Variants in ZNF689 observed in about 807,000 individuals in gnomAD.
The protein encoded by ZNF689 is zinc finger protein 689, also known as short ORF-encoded histone-binding protein.
A neutral mutation model predicts 37.2 loss-of-function variants in ZNF689; 14 were observed. The observed-to-expected ratio is 0.38, with a 90% CI of 0.25 to 0.59. ZNF689 has a LOEUF of 0.59. Ranked by LOEUF, ZNF689 falls within the 20% of genes least tolerant of loss-of-function variation. The pLI is 0.68. For synonymous variants in ZNF689, 277 were observed against 283.3 expected (o/e 0.98, Z 0.22); for missense variants, 573 against 700.2 (o/e 0.82, Z 2.05).
Position 30,609,554 on chromosome 16 carries a change from T to C in ZNF689, c.290A>G (p.Glu97Gly), listed in dbSNP as rs1380658892. ...DWEPAALDPQ[E>G]YPRGLTVQRK... ...CTGGACTGTTAGCCCTCTCGGGTAC[T>C]CCTGCGGATCTAGAGCAGCCGGTTC... is the stretch of plus-strand genomic sequence containing the variant. Residue 97 changes from glutamate to glycine, a missense_variant, in exon 2 of 3, where the codon GAG (glutamate) becomes GGG (glycine). By Grantham distance (98) the Glu-to-Gly change is moderately conservative (BLOSUM62 -2). Transcript: ENST00000287461. 6.2e-7 allele frequency: 1 copy of C among 1,614,092 alleles called. No individual in the cohort carries two copies. The highest frequency in any genetic ancestry group is 8.5e-7 in the Non-Finnish European group (1 of 1,180,006).
Position 30,608,882 on chromosome 16 carries a change from G to A in ZNF689, c.319+643C>T, listed in dbSNP as rs1047092347. Among the ~76,000 whole-genome samples, 5 of 152,196 alleles carry A rather than the reference G, an allele frequency of 3.3e-5. No individual in the cohort carries two copies. In the East Asian group the frequency reaches 9.6e-4, roughly 29 times the overall value. ...GACAGCTCCATCTTCTACTATGGGT[G>A]GATCTGGGACCCTTCTACCTGAATG... On this transcript the variant is annotated intron_variant, in intron 2 of 2. Transcript: ENST00000287461.
At chr16:30,607,956 C>T (rs891937490) in intron 2 of ZNF689, among the ~76,000 whole-genome samples, 31 of 152,256 alleles carry the variant, frequency 2.0e-4, no homozygotes, top group East Asian at 1.5e-3. Flanking sequence ...AGCAAGACTC[C>T]GTCTCACACA....
intron 2 of ZNF689, among the ~76,000 whole-genome samples, chr16:30,607,954 T>C (rs2052051659): frequency 6.6e-6 from 1 of 152,180 alleles, no homozygotes; most frequent in East Asian, 1.9e-4. Flanking sequence ...AGAGCAAGAC[T>C]CCGTCTCACA....
intron 2 of ZNF689, among the ~76,000 whole-genome samples, chr16:30,608,081 T>C (rs951355238): frequency 2.3e-4 from 35 of 152,144 alleles, no homozygotes; most frequent in African/African-American, 8.4e-4. Context: ...ATCAGAATCA[T>C]TGGGAGGATT....
Position 30,609,837 on chromosome 16 carries a change from C to G in ZNF689, c.205G>C (p.Gly69Arg). ...CGGCAGCGGATGGGGCCGGCCTCAC[C>G]GAGCGCGCCCAGGTGACCGTAGGTC... The part of the protein sequence containing the change: ...RETYGHLGAL[G>R]CAGPKPALIS... Residue 69 changes from glycine to arginine, a missense_variant and splice_region_variant, in exon 1 of 3, where the codon GGG becomes CGG. Coordinates refer to ENST00000287461, the MANE Select transcript of ZNF689 (RefSeq NM_138447.3). 2 of 1,601,268 alleles carry G rather than the reference C, an allele frequency of 1.2e-6. No individual in the cohort carries two copies. Among genetic ancestry groups the G allele is most frequent in the Non-Finnish European group, 1.7e-6 (2 of 1,175,358 alleles).
At chr16:30,606,775 G>A (rs190316974) in intron 2 of ZNF689, among the ~76,000 whole-genome samples, 35 of 152,132 alleles carry the variant, frequency 2.3e-4, no homozygotes, top group African/African-American at 7.5e-4. Flanking sequence ...GTGACTACAG[G>A]CGTGAGCCAC....
chr16:30,608,616 G>A (rs2052057884), intron 2 of ZNF689: 1 of 152,032 alleles, frequency 6.6e-6, no homozygotes, highest in African/African-American at 2.4e-5. Flanking sequence ...AATCAGCTGA[G>A]GCTATTTAAA....
Position 30,610,187 on chromosome 16 carries a change from G to A in ZNF689, c.-146C>T. 2 of 958,562 alleles carry A rather than the reference G, an allele frequency of 2.1e-6. No homozygotes were observed. The highest frequency in any genetic ancestry group is 1.7e-5 in the South Asian group (1 of 57,222). The allele number at this position is 958,562 out of a possible 1,614,324, so 59.4% of individuals were successfully genotyped here. On this transcript the variant is annotated 5_prime_UTR_variant, in exon 1 of 3. Transcript: ENST00000287461. Reference sequence around the variant, plus strand: ...GAGGGAATCGGAATTGGTCGCCCGCGGGGCTAACGGAAACCTTTTGCTGTT... The same window carrying A: ...GAGGGAATCGGAATTGGTCGCCCGCAGGGCTAACGGAAACCTTTTGCTGTT...
At position 30,604,318 on chromosome 16, in the gene ZNF689, G is replaced by C. The variant is rs1349867789; in HGVS notation, c.1449C>G (p.Asn483Lys). The change falls in exon 3 of 3, where the codon AAC (asparagine) becomes AAG (lysine). Residue 483 changes from asparagine to lysine, a missense_variant. By Grantham distance (94) the Asn-to-Lys change is moderately conservative. This residue lies in a region of ZNF689 where 317 missense variants were observed against 367.1 expected (regional missense o/e 0.86). Transcript: ENST00000287461. The surrounding 1 kb of genome is among the most constrained non-coding windows in gnomAD (Gnocchi z 5.2). ...CCCCGATAGCAGATCTAGGGCTACA[G>C]TTTGGGGCCTTGGGGCTACACTTGT... Reference protein sequence around the residue: ...AVHKCSPKAPNCSPRSAIGGS... With the variant: ...AVHKCSPKAPKCSPRSAIGGS... The C allele has an allele frequency of 1.4e-5, 22 of 1,613,946 alleles. No homozygotes were observed. Among genetic ancestry groups the C allele is most frequent in the Non-Finnish European group, 1.6e-5 (19 of 1,180,022 alleles).
chr16:30,606,428 C>T (rs566448998), intron 2 of ZNF689, among the ~76,000 whole-genome samples: 3 of 152,192 alleles, frequency 2.0e-5, no homozygotes, highest in East Asian at 1.9e-4. Flanking sequence ...ACAAATGTCA[C>T]CTTCCCTATC....
At position 30,605,536 on chromosome 16, in the gene ZNF689, C is replaced by A; in HGVS notation, c.320-89G>T. On this transcript the variant is annotated intron_variant, in intron 2 of 2. Coordinates refer to ENST00000287461, the MANE Select transcript of ZNF689 (RefSeq NM_138447.3). This position sits in a 1 kb window ranked among gnomAD's most constrained non-coding sequence, Gnocchi z 5.1. Reference sequence around the variant, plus strand: ...TAGGTTACAAGACCAATAGACTCACCCCCTGGTCTCAATTCCTAGTGCCAC... The same window carrying A: ...TAGGTTACAAGACCAATAGACTCACACCCTGGTCTCAATTCCTAGTGCCAC... 2 of 1,359,522 alleles carry A rather than the reference C, an allele frequency of 1.5e-6. No individual in the cohort carries two copies. Among genetic ancestry groups the A allele is most frequent in the East Asian group, 2.3e-5 (1 of 42,790 alleles). 84.2% of individuals were successfully genotyped at this position (1,359,522 alleles called of 1,614,324 possible). A position where few individuals can be genotyped will look rare whatever the true frequency, so the allele number is the denominator to read the frequency against.
intron 2 of ZNF689, chr16:30,608,528 C>T (rs1284740374): frequency 1.3e-5 from 2 of 152,220 alleles, no homozygotes; most frequent in Middle Eastern, 3.4e-3. Flanking sequence ...GTGATCTACC[C>T]ACCTCGGCCT....
chr16:30,609,267 CAAAAAA>C (rs77079521), intron 2 of ZNF689, among the ~76,000 whole-genome samples: 30 of 60,722 alleles, frequency 4.9e-4, no homozygotes, highest in East Asian at 1.8e-3. Context: ...AATGTTTCTA[CAAAAAA>C]AAAAAAAAAA....
intron 2 of ZNF689, among the ~76,000 whole-genome samples, chr16:30,607,840 T>C (rs765536150): frequency 5.3e-5 from 8 of 152,286 alleles, no homozygotes; most frequent in Non-Finnish European, 1.2e-4. Context: ...TGGGCACCTG[T>C]AGTCCCACCT....
Position 30,604,914 on chromosome 16 carries a change from C to G in ZNF689, c.853G>C (p.Gly285Arg). Residue 285 changes from glycine (G) to arginine (R), a missense_variant, in exon 3 of 3, where the codon GGA (glycine) becomes CGA (arginine). Physicochemically the swap from Gly to Arg is moderately radical, Grantham distance 125 (BLOSUM62 -2). This residue lies in a region of ZNF689 where 317 missense variants were observed against 367.1 expected (regional missense o/e 0.86). Transcript: ENST00000287461. This position sits in a 1 kb window ranked among gnomAD's most constrained non-coding sequence, Gnocchi z 5.2. ...LLAIHQRTHT[G>R]EKPYTCLECN... ...TCGAGGCAAGTGTAGGGCTTCTCTC[C>G]CGTGTGTGTACGCTGGTGGATGGCT... 2 of 1,575,442 alleles carry G rather than the reference C, an allele frequency of 1.3e-6. No individual in the cohort carries two copies. The highest frequency in any genetic ancestry group is 1.7e-6 in the Non-Finnish European group (2 of 1,160,208).
rs780380095 is a variant in ZNF689 at position 30,603,994 on chromosome 16, T to A, written c.*270A>T. On this transcript the variant is annotated 3_prime_UTR_variant, in exon 3 of 3. Transcript: ENST00000287461. Reference sequence around the variant, plus strand: ...AAAAGCAGACAGCCCCTAAAATAGATGGGGAGAACTTTTAGCCCTGATATC... The same window carrying A: ...AAAAGCAGACAGCCCCTAAAATAGAAGGGGAGAACTTTTAGCCCTGATATC... 4.8e-6 allele frequency: 3 copies of A among 618,714 alleles called. No individual in the cohort carries two copies. Among genetic ancestry groups the A allele is most frequent in the South Asian group, 4.6e-5 (3 of 65,042 alleles). 38.3% of individuals were successfully genotyped at this position (618,714 alleles called of 1,614,324 possible).
chr16:30,604,391 C>G lies in ZNF689; in HGVS notation c.1376G>C (p.Cys459Ser). 6.2e-7 allele frequency: 1 copy of G among 1,613,842 alleles called. No individual in the cohort carries two copies. The highest frequency in any genetic ancestry group is 8.5e-7 in the Non-Finnish European group (1 of 1,179,972). Residue 459 changes from cysteine to serine, a missense_variant, in exon 3 of 3, where the codon TGC (cysteine) becomes TCC (serine). This residue lies in a region of ZNF689 where 317 missense variants were observed against 367.1 expected (regional missense o/e 0.86). Coordinates refer to ENST00000287461, the MANE Select transcript of ZNF689 (RefSeq NM_138447.3). This position sits in a 1 kb window ranked among gnomAD's most constrained non-coding sequence, Gnocchi z 5.2. The part of the protein sequence containing the change: ...LLHTGEKPFP[C>S]LECGRCFRQR... Reference sequence around the variant, plus strand: ...GCGGAAGCACCGGCCACACTCGAGGCAGGGGAAAGGCTTCTCCCCCGTGTG... The same window carrying G: ...GCGGAAGCACCGGCCACACTCGAGGGAGGGGAAAGGCTTCTCCCCCGTGTG...
intron 2 of ZNF689, among the ~76,000 whole-genome samples, chr16:30,607,829 G>A (rs974024650): frequency 2.0e-5 from 3 of 152,152 alleles, no homozygotes; most frequent in African/African-American, 4.8e-5. Flanking sequence ...GGGTGTGATC[G>A]TGGGCACCTG....
chr16:30,609,642 G>A lies in ZNF689; in HGVS notation c.206-4C>T. 6.2e-7 allele frequency: 1 copy of A among 1,613,800 alleles called. No homozygotes were observed. The highest frequency in any genetic ancestry group is 8.5e-7 in the Non-Finnish European group (1 of 1,179,942). On this transcript the variant is annotated splice_polypyrimidine_tract_variant and splice_region_variant and intron_variant, in intron 1 of 2. Transcript: ENST00000287461. ...GCTGGTTTGGGACCTGCGCACCCTGGGGAAAGAGAACAAATCAGAAGGCCA... is the reference window on the plus strand; with the variant it reads ...GCTGGTTTGGGACCTGCGCACCCTGAGGAAAGAGAACAAATCAGAAGGCCA...
Sources: gnomAD v4.1 joint callset for allele counts (sites outside exome capture counted in the v4.1 genomes callset) on GRCh38, gnomAD v4.1.1 for gene constraint, gnomAD v4.1.1 regional missense constraint, Gnocchi (gnomAD v3.1) non-coding constraint, MANE v1.5 for transcripts, NCBI Gene and HGNC (gene_info 2026-07-23, HGNC 2026-07-21) for gene names.